Variants in HEXB observed in about 807,000 individuals in gnomAD.
HEXB encodes beta-hexosaminidase subunit beta.
A neutral mutation model predicts 71.2 loss-of-function variants in HEXB; 51 were observed. That is an observed-to-expected ratio of 0.72 (90% confidence interval 0.57 to 0.90). The LOEUF is 0.90. HEXB is among the 40% of genes least tolerant of loss of function. The pLI, the probability that HEXB is intolerant of heterozygous loss-of-function variation, is 0.00. For synonymous variants in HEXB, 266 were observed against 249.3 expected (o/e 1.07, Z -0.63); for missense variants, 617 against 677.0 (o/e 0.91, Z 0.98).
At chr5:74,662,201 G>A (rs1748339559) in intron 1 of HEXB, among the ~76,000 whole-genome samples, 1 of 151,858 alleles carries the variant, frequency 6.6e-6, no homozygotes, top group Non-Finnish European at 1.5e-5. Flanking sequence ...CACAGACATG[G>A]TAATACTCAT....
At chr5:74,681,186 G>T (rs1748731352), upstream of HEXB, among the ~76,000 whole-genome samples, 1 of 152,110 alleles carries the variant, frequency 6.6e-6, no homozygotes, top group South Asian at 2.1e-4. Flanking sequence ...CCTTGTTGTT[G>T]GTGAATAAGT....
intron 1 of HEXB, among the ~76,000 whole-genome samples, chr5:74,675,272 A>G (rs1339249804): frequency 2.6e-5 from 4 of 152,202 alleles, no homozygotes; most frequent in Non-Finnish European, 5.9e-5. Flanking sequence ...GAGAGCAATT[A>G]AATATCAACA....
intron 6 of HEXB, among the ~76,000 whole-genome samples, chr5:74,707,820 A>G (rs1291572292): frequency 2.6e-5 from 1 of 37,826 alleles, no homozygotes; most frequent in Non-Finnish European, 7.8e-5. Flanking sequence ...TGATTGGTGT[A>G]CCTGAAAGTG....
intron 1 of HEXB, among the ~76,000 whole-genome samples, chr5:74,648,138 T>A (rs983231489): frequency 2.6e-5 from 4 of 152,186 alleles, no homozygotes; most frequent in Admixed American, 2.0e-4. Context: ...GCCTAATAAT[T>A]ATAATATCCA....
intron 1 of HEXB, among the ~76,000 whole-genome samples, chr5:74,661,855 T>C (rs894894526): frequency 6.6e-6 from 1 of 152,182 alleles, no homozygotes; most frequent in Non-Finnish European, 1.5e-5. Context: ...CCTAGTACAT[T>C]TACTCCAAGA....
intron 2 of HEXB, among the ~76,000 whole-genome samples, chr5:74,693,186 C>T (rs1364464279): frequency 6.6e-6 from 1 of 152,252 alleles, no homozygotes; most frequent in South Asian, 2.1e-4. Context: ...TTGAGCGACA[C>T]CTAGGGCGTT....
At position 74,685,287 on chromosome 5, in the gene HEXB, C is replaced by T. The variant is rs1748832213; in HGVS notation, c.27C>T (p.Pro9=). MELCGLGL[P]RPPMLLALLL... ...TGGAGCTGTGCGGGCTGGGGCTGCCCCGGCCGCCCATGCTGCTGGCGCTGC... is the reference window on the plus strand; with the variant it reads ...TGGAGCTGTGCGGGCTGGGGCTGCCTCGGCCGCCCATGCTGCTGGCGCTGC... The change falls in exon 1 of 14, where the codon CCC becomes CCT. Residue 9 remains proline, a synonymous_variant. Transcript: ENST00000261416. 3 of 1,549,306 alleles carry T rather than the reference C, an allele frequency of 1.9e-6. No individual in the cohort carries two copies. The highest frequency in any genetic ancestry group is 2.6e-6 in the Non-Finnish European group (3 of 1,152,408).
chr5:74,643,260 C>A (rs1003390067), intron 1 of HEXB, among the ~76,000 whole-genome samples: 2 of 152,170 alleles, frequency 1.3e-5, no homozygotes, highest in Non-Finnish European at 2.9e-5. Flanking sequence ...GCAATTCAAA[C>A]GGTGTAATCC....
At chr5:74,666,258 C>G (rs1377772031) in intron 1 of HEXB, among the ~76,000 whole-genome samples, 1 of 152,214 alleles carries the variant, frequency 6.6e-6, no homozygotes, top group Non-Finnish European at 1.5e-5. Flanking sequence ...ACAAATAATA[C>G]CAACAAAGGA....
chr5:74,691,911 A>C (rs1749012017), intron 2 of HEXB, among the ~76,000 whole-genome samples: 1 of 152,216 alleles, frequency 6.6e-6, no homozygotes, highest in Non-Finnish European at 1.5e-5. Flanking sequence ...ATCATTGTTA[A>C]CACTAATAAC....
intron 6 of HEXB, chr5:74,706,217 C>T (rs1369077879): frequency 6.6e-6 from 1 of 152,206 alleles, no homozygotes; most frequent in Non-Finnish European, 1.5e-5. Flanking sequence ...TGTAAAAAGG[C>T]CTGTTCTTTA....
intron 1 of HEXB, among the ~76,000 whole-genome samples, chr5:74,642,627 G>A (rs1500136): frequency 0.11 from 16,396 of 151,772 alleles, 1,652 homozygotes; most frequent in African/African-American, 0.23. Flanking sequence ...TACCTAAAAC[G>A]GCACCTAGAT....
intron 1 of HEXB, among the ~76,000 whole-genome samples, chr5:74,642,942 T>C (rs773491336): frequency 6.6e-6 from 1 of 152,214 alleles, no homozygotes; most frequent in Non-Finnish European, 1.5e-5. Context: ...AAAAAAGCTG[T>C]AGACTGGAAA....
intron 1 of HEXB, among the ~76,000 whole-genome samples, chr5:74,657,529 A>T (rs1160301901): frequency 6.6e-6 from 1 of 152,182 alleles, no homozygotes; most frequent in Non-Finnish European, 1.5e-5. Flanking sequence ...ATGTCTGTTT[A>T]TTTATTATTT....
intron 1 of HEXB, among the ~76,000 whole-genome samples, chr5:74,662,246 C>T (rs978659349): frequency 5.3e-5 from 8 of 151,990 alleles, no homozygotes; most frequent in African/African-American, 1.7e-4. Context: ...TTTCACCTAA[C>T]ATTATAACAT....
intron 1 of HEXB, among the ~76,000 whole-genome samples, chr5:74,677,894 C>A (rs1332482253): frequency 6.7e-6 from 1 of 148,918 alleles, no homozygotes; most frequent in African/African-American, 2.4e-5. Context: ...CATTATATCG[C>A]TCTGTATGTG....
intron 1 of HEXB, among the ~76,000 whole-genome samples, chr5:74,649,361 G>A (rs746352614): frequency 2.6e-5 from 4 of 152,286 alleles, no homozygotes; most frequent in Non-Finnish European, 4.4e-5. Flanking sequence ...TTTGTCCAAT[G>A]GGATGGTCTT....
intron 1 of HEXB, among the ~76,000 whole-genome samples, chr5:74,665,999 G>T (rs1471214695): frequency 6.6e-6 from 1 of 151,984 alleles, no homozygotes; most frequent in Non-Finnish European, 1.5e-5. Flanking sequence ...ACCACATCTG[G>T]TCATTAAAAA....
chr5:74,711,196 A>C (rs1348074949), intron 6 of HEXB, among the ~76,000 whole-genome samples: 3 of 149,656 alleles, frequency 2.0e-5, no homozygotes, highest in Non-Finnish European at 4.4e-5. Context: ...AGGATTCCCT[A>C]TTTAATAAAT....
Sources: allele counts gnomAD v4.1 joint callset (sites outside exome capture counted in the v4.1 genomes callset), GRCh38; gene constraint gnomAD v4.1.1; transcripts MANE v1.5; gene names NCBI Gene and HGNC (gene_info 2026-07-23, HGNC 2026-07-21).